The following CALN1 variants were observed in gnomAD, a reference collection of about 807,000 sequenced individuals.
The protein encoded by CALN1 is calneuron 1.
CALN1 carries 17 observed loss-of-function variants against 30.6 expected under a neutral mutation model. The observed-to-expected ratio is 0.56, with a 90% confidence interval of 0.38 to 0.83. The LOEUF (loss-of-function observed/expected upper bound fraction) is 0.83. CALN1 is among the 40% of genes least tolerant of loss of function. CALN1 has a pLI of 0.00. For missense variants in CALN1, 291 were observed against 354.9 expected (o/e 0.82, Z 1.45); for synonymous variants, 156 against 131.4 (o/e 1.19, Z -1.28).
chr7:72,121,183 TTATG>T (rs1461288234), intron 3 of CALN1, among the ~76,000 whole-genome samples: 2 of 144,748 alleles, frequency 1.4e-5, no homozygotes, highest in South Asian at 2.1e-4. Flanking sequence ...TAATTATATA[TTATG>T]TATTATATTA....
chr7:72,237,534 C>T (rs1794549446), intron 3 of CALN1, among the ~76,000 whole-genome samples: 1 of 152,146 alleles, frequency 6.6e-6, no homozygotes, highest in Non-Finnish European at 1.5e-5. Flanking sequence ...ACAGAAGCCA[C>T]AGCGAGGGCC....
At chr7:72,259,058 G>A (rs1796109059) in intron 3 of CALN1, among the ~76,000 whole-genome samples, 1 of 151,400 alleles carries the variant, frequency 6.6e-6, no homozygotes, top group Admixed American at 6.6e-5. Context: ...TCCAGCCTGG[G>A]CGACAGAGCG....
intron 2 of CALN1, among the ~76,000 whole-genome samples, chr7:72,311,444 G>A (rs967030512): frequency 1.3e-5 from 2 of 151,952 alleles, no homozygotes; most frequent in Non-Finnish European, 2.9e-5. Context: ...CCCCAACCTT[G>A]CATTGTGGAA....
Position 72,196,025 on chromosome 7 carries a change from G to C in CALN1, c.244+82661C>G, listed in dbSNP as rs73141578. ...AATGTCCAAAATAAGCAAACAGAGAGAGACAGAAAGTAGATTAGTGGCTGC... is the reference window on the plus strand; with the variant it reads ...AATGTCCAAAATAAGCAAACAGAGACAGACAGAAAGTAGATTAGTGGCTGC... On this transcript the variant is annotated intron_variant, in intron 3 of 6. Transcript: ENST00000395275. 4.6e-3 allele frequency among the ~76,000 whole-genome samples: 705 copies of C among 152,240 alleles called. 7 individuals are homozygous for C. The highest frequency in any genetic ancestry group is 7.9e-3 in the Non-Finnish European group (540 of 68,022).
chr7:71,799,843 G>C lies in CALN1; in HGVS notation c.658+10493C>G, dbSNP rs1787201877. Among the ~76,000 whole-genome samples, 3 of 152,126 alleles carry C rather than the reference G, an allele frequency of 2.0e-5. No homozygotes were observed. In the South Asian group the frequency reaches 6.2e-4, roughly 32 times the overall value. ...GTGTGCTGTGAAGGGTCCCCAAACA[G>C]AAGAAAAATTCCTTTTTGTCTGAAG... On this transcript the variant is annotated intron_variant, in intron 6 of 6. Transcript: ENST00000395275.
chr7:71,960,170 T>TA (rs1282327684), intron 5 of CALN1, among the ~76,000 whole-genome samples: 1 of 112,142 alleles, frequency 8.9e-6, no homozygotes, highest in Non-Finnish European at 2.0e-5. Context: ...AATAAATAAA[T>TA]AAATAAATAA....
chr7:72,109,382 CTTTCTGTG>C (rs1807400803), intron 3 of CALN1, among the ~76,000 whole-genome samples: 2 of 152,140 alleles, frequency 1.3e-5, no homozygotes, highest in Admixed American at 1.3e-4. Context: ...TCCAGCCCTT[CTTTCTGTG>C]CATCCGTGGA....
the CALN1 span, among the ~76,000 whole-genome samples, chr7:72,479,342 C>T: frequency 5.3e-5 from 8 of 152,044 alleles, no homozygotes. Context: ...ATTTATATGC[C>T]TTGTCTTTTC....
At chr7:72,278,007 C>CCGGGG (rs1562829623) in intron 3 of CALN1, among the ~76,000 whole-genome samples, 1 of 29,872 alleles carries the variant, frequency 3.3e-5, no homozygotes, top group Admixed American at 3.6e-4. Context: ...ATCCTCTATT[C>CCGGGG]CGGGGGGGGG....
intron 3 of CALN1, among the ~76,000 whole-genome samples, chr7:72,187,761 G>C (rs368715294): frequency 2.6e-5 from 4 of 152,118 alleles, no homozygotes; most frequent in African/African-American, 9.7e-5. Context: ...GTGATTCTTA[G>C]TCTTTTCCTT....
At chr7:72,354,023 C>T (rs1470323221) in intron 2 of CALN1, among the ~76,000 whole-genome samples, 3 of 152,090 alleles carry the variant, frequency 2.0e-5, no homozygotes, top group South Asian at 2.1e-4. Flanking sequence ...CCCATCTCTA[C>T]TAAAAATACA....
rs1364300381 is a variant in CALN1 at position 71,960,166 on chromosome 7, TAAATAAATAAATAAATA to T, written c.501+63474_501+63490del. Among the ~76,000 whole-genome samples, 448 of 115,206 alleles carry T rather than the reference TAAATAAATAAATAAATA, an allele frequency of 3.9e-3. 3 individuals are homozygous for T. The highest frequency in any genetic ancestry group is 0.011 in the African/African-American group (380 of 33,074). The allele number at this position is 115,206 out of a possible 152,430, so 75.6% of individuals were successfully genotyped here. On this transcript the variant is annotated intron_variant, in intron 5 of 6. Coordinates refer to ENST00000395275, the MANE Select transcript of CALN1 (RefSeq NM_031468.4). ...ATAAATAAATAAATAAATAAATAAATAAATAAATAAATAAATAAAATAAAATAAAAAAATAAAATAAA... is the reference window on the plus strand; with the variant it reads ...ATAAATAAATAAATAAATAAATAAATAAATAAAATAAAAAAATAAAATAAA...
chr7:72,109,504 T>A (rs1056291621), intron 3 of CALN1, among the ~76,000 whole-genome samples: 1 of 152,232 alleles, frequency 6.6e-6, no homozygotes, highest in Non-Finnish European at 1.5e-5. Context: ...ATCAATGGTA[T>A]AGAAACAAAT....
chr7:72,341,289 G>A (rs771597378), intron 2 of CALN1, among the ~76,000 whole-genome samples: 24 of 152,304 alleles, frequency 1.6e-4, no homozygotes, highest in Middle Eastern at 3.4e-3. Flanking sequence ...TTGGGAAGCC[G>A]AGGCGGGTGG....
At chr7:71,788,529 T>C (rs1337591608) in intron 6 of CALN1, among the ~76,000 whole-genome samples, 1 of 149,784 alleles carries the variant, frequency 6.7e-6, no homozygotes, top group Non-Finnish European at 1.5e-5. Context: ...TCTTGCTCTG[T>C]CTCCCAGGCT....
chr7:72,086,250 A>G (rs912901136), intron 4 of CALN1, among the ~76,000 whole-genome samples: 1 of 152,186 alleles, frequency 6.6e-6, no homozygotes, highest in South Asian at 2.1e-4. Context: ...AAACTGTTTT[A>G]AGTTTCATGT....
rs189601453 is a variant in CALN1, at chr7:72,444,130, G to A, written c.-226+2912C>T. ...TGATATATTGATAGACTCGTACTAC[G>A]CACCAGAGTAGCAGTTGAAGCTCCT... is the stretch of plus-strand genomic sequence containing the variant. On this transcript the variant is annotated intron_variant, in intron 1 of 6. Coordinates refer to the CALN1 transcript ENST00000395276. Among the ~76,000 whole-genome samples, 576 of 151,566 alleles carry A rather than the reference G, an allele frequency of 3.8e-3. 4 individuals carry two copies. Among genetic ancestry groups the A allele is most frequent in the African/African-American group, 0.013 (533 of 41,322 alleles).
chr7:71,982,748 T>C (rs1208717875), intron 5 of CALN1, among the ~76,000 whole-genome samples: 3 of 152,286 alleles, frequency 2.0e-5, no homozygotes, highest in South Asian at 4.1e-4. Flanking sequence ...AAAGTCTTCC[T>C]TTCAGTGGAA....
chr7:72,456,182 C>CAAA, the CALN1 span, among the ~76,000 whole-genome samples: 27 of 115,508 alleles, frequency 2.3e-4, no homozygotes, highest in African/African-American at 1.9e-4. Context: ...CACTCAGTCT[C>CAAA]AAAAAAAAAA....
Sources: allele counts gnomAD v4.1 joint callset (sites outside exome capture counted in the v4.1 genomes callset), GRCh38; gene constraint gnomAD v4.1.1; transcripts MANE v1.5; gene names NCBI Gene and HGNC (gene_info 2026-07-23, HGNC 2026-07-21).